The following WDFY3 variants were observed in gnomAD, a reference collection of about 807,000 sequenced individuals.
The protein encoded by WDFY3 is WD repeat and FYVE domain containing 3, also known as WD repeat and FYVE domain-containing protein 3.
In WDFY3, 66 loss-of-function variants were observed where a neutral mutation model predicts 409.6. That is an observed-to-expected ratio of 0.16 (90% CI 0.13 to 0.20). The LOEUF (loss-of-function observed/expected upper bound fraction) is 0.20. Ranked by LOEUF, WDFY3 falls within the 10% of genes least tolerant of loss-of-function variation. WDFY3 has a pLI of 1.00. For missense variants in WDFY3, 3,031 were observed against 4,298.1 expected, an observed-to-expected ratio of 0.71 and a Z score of 8.24; for synonymous variants, 1,521 against 1,537.1, an observed-to-expected ratio of 0.99 and a Z score of 0.25.
intron 13 of WDFY3, among the ~76,000 whole-genome samples, chr4:84,814,053 A>G (rs1752905967): frequency 6.6e-6 from 1 of 152,350 alleles, no homozygotes; most frequent in East Asian, 1.9e-4. Flanking sequence ...GTAAAAGAAA[A>G]TAGAAGTAAT....
intron 5 of WDFY3, chr4:84,844,350 CA>C (rs920243839): frequency 6.8e-4 from 666 of 978,754 alleles, no homozygotes; most frequent in South Asian, 7.6e-4. Flanking sequence ...TTGCCCCCTC[CA>C]AAAAAAAATT....
chr4:84,809,040 C>T (rs936481609), intron 14 of WDFY3: 5 of 152,092 alleles, frequency 3.3e-5, no homozygotes, highest in Non-Finnish European at 7.3e-5. Context: ...TTGATGAGGG[C>T]AGTTCATTTA....
chr4:84,679,218 C>G lies in WDFY3; in HGVS notation c.9848G>C (p.Ser3283Thr). The G allele has an allele frequency of 6.4e-7, 1 of 1,560,016 alleles. No individual in the cohort carries two copies. The highest frequency in any genetic ancestry group is 8.7e-7 in the Non-Finnish European group (1 of 1,148,662). ...QIGQEAQDED[S>T]SDSEADEQSI... ...CTGCTCATCTGCTTCTGAATCACTGCTGTCCTCGTCTTGGGCTTCCTGCCC... is the reference window on the plus strand; with the variant it reads ...CTGCTCATCTGCTTCTGAATCACTGGTGTCCTCGTCTTGGGCTTCCTGCCC... Residue 3283 changes from serine (S) to threonine (T), a missense_variant, in exon 65 of 68, where the codon AGC (serine) becomes ACC (threonine). This residue lies in a region of WDFY3 where 378 missense variants were observed against 477.3 expected (regional missense o/e 0.79). Transcript: ENST00000295888.
intron 1 of WDFY3, among the ~76,000 whole-genome samples, chr4:84,953,932 C>T (rs1426584409): frequency 6.6e-6 from 1 of 152,116 alleles, no homozygotes; most frequent in Non-Finnish European, 1.5e-5. Flanking sequence ...TCTTTCTACT[C>T]ATTAAGTGTC....
chr4:84,772,597 A>T (rs915819142), intron 30 of WDFY3, among the ~76,000 whole-genome samples: 2 of 152,204 alleles, frequency 1.3e-5, no homozygotes, highest in Admixed American at 1.3e-4. Flanking sequence ...TACTCTAAAA[A>T]TAGGAAATAT....
chr4:84,712,373 TAA>T (rs998951453), intron 51 of WDFY3, among the ~76,000 whole-genome samples: 5 of 75,086 alleles, frequency 6.7e-5, no homozygotes, highest in African/African-American at 1.5e-4. Flanking sequence ...AGAAAAAAAT[TAA>T]AAAAAAAAAA....
At chr4:84,788,655 C>A (rs1485276173) in intron 22 of WDFY3, among the ~76,000 whole-genome samples, 2 of 152,276 alleles carry the variant, frequency 1.3e-5, no homozygotes, top group East Asian at 1.9e-4. Context: ...GAAATATATT[C>A]AAAGATACTG....
intron 2 of WDFY3, among the ~76,000 whole-genome samples, chr4:84,906,163 T>C (rs776730135): frequency 6.6e-6 from 1 of 152,234 alleles, no homozygotes; most frequent in Non-Finnish European, 1.5e-5. Context: ...AAGTTAGGAA[T>C]ATTAGACTAA....
intron 3 of WDFY3, among the ~76,000 whole-genome samples, chr4:84,884,598 TA>T (rs895730086): frequency 2.0e-5 from 3 of 152,176 alleles, no homozygotes; most frequent in African/African-American, 7.2e-5. Flanking sequence ...TTAAAAGTGT[TA>T]AACATAATTT....
At chr4:84,963,222 A>G (rs4624645) in intron 1 of WDFY3, among the ~76,000 whole-genome samples, 61,662 of 151,522 alleles carry the variant, frequency 0.41, 13,103 homozygotes, top group African/African-American at 0.51. Flanking sequence ...TCAGGAGTTC[A>G]AGACTAGCTT....
chr4:84,923,696 A>G (rs1275019776), intron 2 of WDFY3, among the ~76,000 whole-genome samples: 1 of 152,150 alleles, frequency 6.6e-6, no homozygotes, highest in Non-Finnish European at 1.5e-5. Context: ...CCATGCCCCA[A>G]GCATGAAAAT....
At chr4:84,867,956 G>T (rs1761628595) in intron 3 of WDFY3, among the ~76,000 whole-genome samples, 1 of 151,824 alleles carries the variant, frequency 6.6e-6, no homozygotes, top group Non-Finnish European at 1.5e-5. Flanking sequence ...AGATCACAAG[G>T]TCAAGAGATC....
intron 6 of WDFY3, among the ~76,000 whole-genome samples, chr4:84,840,863 G>A (rs909550952): frequency 6.6e-6 from 1 of 151,744 alleles, no homozygotes; most frequent in Non-Finnish European, 1.5e-5. Context: ...TTACAGGTGT[G>A]AGCCTCTGAG....
intron 2 of WDFY3, among the ~76,000 whole-genome samples, chr4:84,912,000 T>C (rs772301944): frequency 3.9e-5 from 6 of 152,154 alleles, no homozygotes; most frequent in Admixed American, 6.5e-5. Flanking sequence ...ATGTTGCGAG[T>C]ATTCATTAAA....
At position 84,896,940 on chromosome 4, in the gene WDFY3, T is replaced by C. The variant is rs932336764; in HGVS notation, c.-61A>G. On this transcript the variant is annotated 5_prime_UTR_variant, in exon 3 of 68. Transcript: ENST00000295888. ...AGGGAATTCCTTGGGTAACAGGTTC[T>C]GAATGTGTGAGCACAATAGGGCCCA... 8.5e-5 allele frequency: 13 copies of C among 152,232 alleles called. No individual in the cohort carries two copies. Among genetic ancestry groups the C allele is most frequent in the African/African-American group, 2.2e-4 (9 of 41,462 alleles). The allele number at this position is 152,232 out of a possible 1,614,324, so 9.4% of individuals were successfully genotyped here.
chr4:84,764,938 A>G (rs1020185309), intron 32 of WDFY3, among the ~76,000 whole-genome samples: 8 of 152,112 alleles, frequency 5.3e-5, no homozygotes, highest in Non-Finnish European at 1.0e-4. Flanking sequence ...GGCAGCAGCT[A>G]GACACTGATA....
chr4:84,678,763 G>T (rs1458547180), intron 65 of WDFY3, among the ~76,000 whole-genome samples, 156 bp downstream of exon 65: 1 of 152,186 alleles, frequency 6.6e-6, no homozygotes, highest in African/African-American at 2.4e-5. Context: ...AGAAACTGAA[G>T]AGGCCTTCTG....
At chr4:84,954,275 A>G (rs1006998268) in intron 1 of WDFY3, among the ~76,000 whole-genome samples, 10 of 152,338 alleles carry the variant, frequency 6.6e-5, no homozygotes, top group Middle Eastern at 6.8e-3. Context: ...TACACAAATA[A>G]ATCAAGCTAA....
chr4:84,761,254 G>C (rs1241759717), intron 32 of WDFY3, among the ~76,000 whole-genome samples: 1 of 152,122 alleles, frequency 6.6e-6, no homozygotes, highest in Admixed American at 6.5e-5. Context: ...AATAGGTGTG[G>C]TGTGTTGCTG....
Sources: gnomAD v4.1 joint callset for allele counts (sites outside exome capture counted in the v4.1 genomes callset) on GRCh38, gnomAD v4.1.1 for gene constraint, gnomAD v4.1.1 regional missense constraint, MANE v1.5 for transcripts, NCBI Gene and HGNC (gene_info 2026-07-23, HGNC 2026-07-21) for gene names.